The following PPP1R9A variants were observed in gnomAD, a reference collection of about 807,000 sequenced individuals.
PPP1R9A encodes the protein neurabin-1.
A neutral mutation model predicts 141.9 loss-of-function variants in PPP1R9A; 59 were observed. That is an observed-to-expected ratio of 0.42 (90% CI 0.34 to 0.52). The LOEUF (loss-of-function observed/expected upper bound fraction) is 0.52, where lower values mean the gene tolerates loss of function less well. Ranked by LOEUF, PPP1R9A falls within the 20% of genes least tolerant of loss-of-function variation. PPP1R9A has a pLI of 0.10. For synonymous variants in PPP1R9A, 500 were observed against 569.7 expected, an observed-to-expected ratio of 0.88 and a Z score of 1.74; for missense variants, 1,444 against 1,611.9, an observed-to-expected ratio of 0.90 and a Z score of 1.78.
chr7:95,158,370 A>G (rs1829958351), intron 4 of PPP1R9A, among the ~76,000 whole-genome samples: 2 of 152,182 alleles, frequency 1.3e-5, no homozygotes, highest in African/African-American at 2.4e-5. Flanking sequence ...TGAAGAAAAC[A>G]TAGGCCCAAG....
intron 16 of PPP1R9A, among the ~76,000 whole-genome samples, chr7:95,276,061 T>C (rs888047574): frequency 2.0e-5 from 3 of 152,060 alleles, no homozygotes; most frequent in Non-Finnish European, 2.9e-5. Context: ...AAATCAAACA[T>C]ACTCATGGAA....
At chr7:94,918,877 G>T (rs1422214781) in intron 2 of PPP1R9A, among the ~76,000 whole-genome samples, 2 of 152,142 alleles carry the variant, frequency 1.3e-5, no homozygotes. Flanking sequence ...TGGTGATATG[G>T]TCTAAAAGTT....
intron 5 of PPP1R9A, among the ~76,000 whole-genome samples, chr7:95,162,536 G>GT (rs1219952882): frequency 1.3e-5 from 2 of 152,144 alleles, no homozygotes; most frequent in Non-Finnish European, 2.9e-5. Context: ...TGGAAAACAA[G>GT]TAAGAAGCAG....
chr7:95,179,377 T>C lies in PPP1R9A; in HGVS notation c.1754+17406T>C, dbSNP rs1585102234. Among the ~76,000 whole-genome samples, 4 of 152,210 alleles carry C rather than the reference T, an allele frequency of 2.6e-5. No homozygotes were observed. In the East Asian group the frequency reaches 7.7e-4, roughly 29 times the overall value. On this transcript the variant is annotated intron_variant, in intron 5 of 19. Coordinates refer to ENST00000433360, the MANE Select transcript of PPP1R9A (RefSeq NM_001166160.2). ...TTGGCATGCAAGGGACATACCTCAA[T>C]GTAGTAAAAGCCATCTATGACAAAC...
intron 4 of PPP1R9A, among the ~76,000 whole-genome samples, chr7:95,125,242 A>G (rs1292492517): frequency 6.6e-6 from 1 of 152,094 alleles, no homozygotes; most frequent in African/African-American, 2.4e-5. Context: ...CAGCCTCCCA[A>G]GTAACTGGGA....
At chr7:94,965,027 T>C (rs537939909) in intron 2 of PPP1R9A, among the ~76,000 whole-genome samples, 24 of 152,346 alleles carry the variant, frequency 1.6e-4, no homozygotes, top group African/African-American at 5.5e-4. Context: ...CTAACTAGCA[T>C]GAGATGGTAT....
intron 2 of PPP1R9A, among the ~76,000 whole-genome samples, chr7:94,977,100 T>C (rs1211097664): frequency 6.6e-6 from 1 of 152,120 alleles, no homozygotes; most frequent in Non-Finnish European, 1.5e-5. Context: ...CTGAAGGATA[T>C]GGGGGCTTGT....
chr7:95,032,619 G>C (rs2151825816), intron 2 of PPP1R9A, among the ~76,000 whole-genome samples: 1 of 152,196 alleles, frequency 6.6e-6, no homozygotes, highest in East Asian at 1.9e-4. Context: ...TCTGACTCTA[G>C]AACAACAAAA....
chr7:95,110,617 T>A (rs1419032449), intron 2 of PPP1R9A, among the ~76,000 whole-genome samples: 1 of 152,232 alleles, frequency 6.6e-6, no homozygotes, highest in Non-Finnish European at 1.5e-5. Flanking sequence ...TTTAGTTGTC[T>A]TTTAAATGAT....
At chr7:94,954,217 G>A (rs756868126) in intron 2 of PPP1R9A, among the ~76,000 whole-genome samples, 10 of 151,546 alleles carry the variant, frequency 6.6e-5, no homozygotes, top group Non-Finnish European at 1.2e-4. Context: ...GCTGCATCTC[G>A]CAAGTTTTTA....
At chr7:95,197,492 C>T (rs1266231971) in intron 5 of PPP1R9A, among the ~76,000 whole-genome samples, 1 of 152,138 alleles carries the variant, frequency 6.6e-6, no homozygotes, top group African/African-American at 2.4e-5. Context: ...CACCCCTTCT[C>T]ATACTATCTT....
intron 18 of PPP1R9A, 53 bp from the exon 19 acceptor site, chr7:95,288,483 T>C: frequency 6.3e-7 from 1 of 1,575,488 alleles, no homozygotes; most frequent in Non-Finnish European, 8.6e-7. Flanking sequence ...TAGCATAATA[T>C]GAGCCATAGT....
At chr7:95,075,806 C>T (rs1298003370) in intron 2 of PPP1R9A, among the ~76,000 whole-genome samples, 1 of 151,916 alleles carries the variant, frequency 6.6e-6, no homozygotes, top group African/African-American at 2.4e-5. Context: ...CACTGCACTC[C>T]AGCCTGGGCG....
chr7:95,025,842 C>T (rs1186653652), intron 2 of PPP1R9A, among the ~76,000 whole-genome samples: 1 of 152,062 alleles, frequency 6.6e-6, no homozygotes, highest in African/African-American at 2.4e-5. Context: ...TCTCTTGATA[C>T]CCTTTCTTCA....
intron 2 of PPP1R9A, among the ~76,000 whole-genome samples, chr7:94,963,235 T>A (rs1797829342): frequency 6.6e-6 from 1 of 152,172 alleles, no homozygotes; most frequent in South Asian, 2.1e-4. Flanking sequence ...GGTTTACCAG[T>A]TATGCCACAC....
At chr7:95,248,805 G>T (rs754494529) in intron 9 of PPP1R9A, among the ~76,000 whole-genome samples, 3 of 151,890 alleles carry the variant, frequency 2.0e-5, no homozygotes, top group Non-Finnish European at 4.4e-5. Context: ...TTTGATAATA[G>T]AATTCCTAAT....
chr7:95,028,409 C>T (rs557447768), intron 2 of PPP1R9A, among the ~76,000 whole-genome samples: 2 of 152,082 alleles, frequency 1.3e-5, no homozygotes, highest in East Asian at 3.9e-4. Context: ...ATATTGCTTA[C>T]TATATATTTG....
chr7:95,281,322 G>T (rs1175478686), intron 16 of PPP1R9A, among the ~76,000 whole-genome samples: 1 of 152,136 alleles, frequency 6.6e-6, no homozygotes. Context: ...AGAGACGTAG[G>T]TGTCTTCTCG....
chr7:95,033,171 A>AT (rs10709825), intron 2 of PPP1R9A, among the ~76,000 whole-genome samples: 34,739 of 103,664 alleles, frequency 0.34, 6,085 homozygotes, highest in Non-Finnish European at 0.39. Context: ...TGCCTGGCTA[A>AT]TTTTTTTTTT....
Sources: gnomAD v4.1 joint callset for allele counts (sites outside exome capture counted in the v4.1 genomes callset) on GRCh38, gnomAD v4.1.1 for gene constraint, MANE v1.5 for transcripts, NCBI Gene and HGNC (gene_info 2026-07-23, HGNC 2026-07-21) for gene names.